CMTM4: variants seen among roughly 807,000 people sequenced by gnomAD.
The protein encoded by CMTM4 is CKLF like MARVEL transmembrane domain containing 4.
In CMTM4, 8 loss-of-function variants were observed where a neutral mutation model predicts 19.0. That is an observed-to-expected ratio of 0.42 (90% confidence interval 0.25 to 0.76). CMTM4 has a LOEUF of 0.76. Among genes scored for constraint, CMTM4 ranks in the 30% least tolerant of loss-of-function variants. CMTM4 has a pLI of 0.27. For missense variants in CMTM4, 228 were observed against 290.2 expected, an observed-to-expected ratio of 0.79 and a Z score of 1.56; for synonymous variants, 106 against 121.1, an observed-to-expected ratio of 0.88 and a Z score of 0.82.
At chr16:66,672,636 G>GA (rs1555501545) in intron 1 of CMTM4, among the ~76,000 whole-genome samples, 1 of 151,148 alleles carries the variant, frequency 6.6e-6, no homozygotes. Flanking sequence ...TTACACTTTT[G>GA]TTTTTTTTGA....
At chr16:66,651,362 C>A (rs972257012) in intron 1 of CMTM4, among the ~76,000 whole-genome samples, 1 of 152,272 alleles carries the variant, frequency 6.6e-6, no homozygotes, top group East Asian at 1.9e-4. Context: ...ATATGGTCTG[C>A]AAACGGGGGC....
At chr16:66,664,246 A>G (rs912224475) in intron 1 of CMTM4, among the ~76,000 whole-genome samples, 10 of 152,056 alleles carry the variant, frequency 6.6e-5, no homozygotes, top group African/African-American at 1.7e-4. Context: ...AAAAAAAAAA[A>G]AAAAATTTCA....
At chr16:66,668,980 CTGGG>C (rs1213838610) in intron 1 of CMTM4, among the ~76,000 whole-genome samples, 1 of 152,152 alleles carries the variant, frequency 6.6e-6, no homozygotes, top group Non-Finnish European at 1.5e-5. Flanking sequence ...AATTTCACTC[CTGGG>C]TATTAACCCC....
chr16:66,601,121 G>C, the CMTM4 span, among the ~76,000 whole-genome samples: 2 of 151,990 alleles, frequency 1.3e-5, no homozygotes, highest in Non-Finnish European at 1.5e-5. Context: ...GTGTGTGTGT[G>C]TGTGTGTGTG....
intron 1 of CMTM4, among the ~76,000 whole-genome samples, chr16:66,692,763 C>T (rs911032897): frequency 4.0e-5 from 6 of 151,880 alleles, no homozygotes; most frequent in African/African-American, 1.5e-4. Flanking sequence ...AAAACTTAGC[C>T]GGGCGTGCTA....
intron 1 of CMTM4, among the ~76,000 whole-genome samples, chr16:66,688,439 T>C (rs2017075339): frequency 6.6e-6 from 1 of 152,056 alleles, no homozygotes; most frequent in African/African-American, 2.4e-5. Flanking sequence ...GAGATCTGCT[T>C]GTGGCCTGAG....
chr16:66,667,817 G>A (rs2016627360), intron 1 of CMTM4, among the ~76,000 whole-genome samples: 1 of 152,096 alleles, frequency 6.6e-6, no homozygotes, highest in South Asian at 2.1e-4. Flanking sequence ...TGAACCAGGA[G>A]GCAGAGGTTG....
At chr16:66,685,116 A>G (rs897109266) in intron 1 of CMTM4, among the ~76,000 whole-genome samples, 1 of 152,212 alleles carries the variant, frequency 6.6e-6, no homozygotes, top group Non-Finnish European at 1.5e-5. Flanking sequence ...ATACTTCACA[A>G]TTTATAGTAA....
intron 1 of CMTM4, among the ~76,000 whole-genome samples, chr16:66,675,532 G>A (rs536313489): frequency 6.8e-6 from 1 of 148,104 alleles, no homozygotes; most frequent in African/African-American, 2.5e-5. Context: ...GAGAAGTTCT[G>A]CAGACCCCTG....
the CMTM4 span, among the ~76,000 whole-genome samples, chr16:66,603,569 G>A: frequency 1.3e-5 from 2 of 152,180 alleles, no homozygotes; most frequent in African/African-American, 4.8e-5. Flanking sequence ...TTACAGGCAT[G>A]AGCCACAGCG....
intron 1 of CMTM4, among the ~76,000 whole-genome samples, chr16:66,647,181 G>A (rs535063400): frequency 1.1e-4 from 16 of 151,652 alleles, no homozygotes; most frequent in African/African-American, 3.1e-4. Flanking sequence ...AAAAGTAGTC[G>A]GGTGTGGTGG....
At position 66,619,811 on chromosome 16, in the gene CMTM4, A is replaced by T. The variant is rs1027743683; in HGVS notation, c.*2247T>A. The T allele has an allele frequency of 4.1e-6, 4 of 985,434 alleles. No homozygotes were observed. The highest frequency in any genetic ancestry group is 6.1e-5 in the Admixed American group (1 of 16,290). 61.0% of individuals were successfully genotyped at this position (985,434 alleles called of 1,614,324 possible). Reference sequence around the variant, plus strand: ...ACCGAGGAGCCTCACGGCACAAAGGATATTAAATAGTTACAGGGACATAAA... The same window carrying T: ...ACCGAGGAGCCTCACGGCACAAAGGTTATTAAATAGTTACAGGGACATAAA... On this transcript the variant is annotated 3_prime_UTR_variant, in exon 4 of 4. Transcript: ENST00000394106.
chr16:66,679,782 C>T (rs914653576), intron 1 of CMTM4, among the ~76,000 whole-genome samples: 2 of 150,778 alleles, frequency 1.3e-5, no homozygotes. Context: ...TGAGATCACA[C>T]CACTGCACTC....
intron 2 of CMTM4, among the ~76,000 whole-genome samples, chr16:66,624,954 G>A (rs1596904003): frequency 6.6e-6 from 1 of 152,172 alleles, no homozygotes; most frequent in African/African-American, 2.4e-5. Context: ...AAACCAGGAA[G>A]CGTTTAGTTA....
At chr16:66,608,614 C>A in the CMTM4 span, 1 of 737,512 alleles carries the variant, frequency 1.4e-6, no homozygotes, top group Non-Finnish European at 2.2e-6. The surrounding 1 kb of genome is among the most constrained non-coding windows in gnomAD (Gnocchi z 5.1). Flanking sequence ...AGCTTCAGAT[C>A]ATCCCAGCTC....
At chr16:66,660,117 G>A (rs1376741653) in intron 1 of CMTM4, among the ~76,000 whole-genome samples, 4 of 152,142 alleles carry the variant, frequency 2.6e-5, no homozygotes, top group Non-Finnish European at 5.9e-5. Flanking sequence ...GCAGAGCACG[G>A]TGGCTCATGC....
At chr16:66,623,709 A>T (rs2015682166) in intron 2 of CMTM4, among the ~76,000 whole-genome samples, 1 of 152,122 alleles carries the variant, frequency 6.6e-6, no homozygotes, top group Non-Finnish European at 1.5e-5. Context: ...ACCACCACAA[A>T]ATCTACATTT....
intron 1 of CMTM4, among the ~76,000 whole-genome samples, chr16:66,689,980 C>T (rs748254298): frequency 5.3e-5 from 8 of 152,010 alleles, no homozygotes; most frequent in Non-Finnish European, 1.0e-4. Context: ...CTTTTGAGAT[C>T]GTGGATTATA....
chr16:66,670,670 C>T (rs2016687816), intron 1 of CMTM4, among the ~76,000 whole-genome samples: 1 of 151,388 alleles, frequency 6.6e-6, no homozygotes, highest in South Asian at 2.1e-4. Context: ...CGTGGTGGCA[C>T]GAACCTGTAG....
Sources: gnomAD v4.1 joint callset for allele counts (sites outside exome capture counted in the v4.1 genomes callset) on GRCh38, gnomAD v4.1.1 for gene constraint, Gnocchi (gnomAD v3.1) non-coding constraint, MANE v1.5 for transcripts, NCBI Gene and HGNC (gene_info 2026-07-23, HGNC 2026-07-21) for gene names.